Variants in PUDP observed in about 807,000 individuals in gnomAD.
PUDP encodes pseudouridine-5'-phosphatase.
Under a neutral mutation model 9.4 loss-of-function variants are expected in PUDP, and 8 were observed. The ratio of observed to expected loss-of-function variants is 0.85; its 90% CI spans 0.50 to 1.53. The LOEUF (loss-of-function observed/expected upper bound fraction) is 1.53. Ranked by LOEUF, PUDP falls within the 40% of genes most tolerant of loss-of-function variation. The pLI, the probability that PUDP is intolerant of heterozygous loss-of-function variation, is 0.00. For synonymous variants in PUDP, 99 were observed against 80.7 expected (o/e 1.23, Z -1.22); for missense variants, 188 against 189.7 (o/e 0.99, Z 0.05).
At chrX:6,816,992 T>TG (rs747136324) in intron 3 of PUDP, among the ~76,000 whole-genome samples, 2,127 of 97,850 alleles carry the variant, frequency 0.022, 85 homozygotes, top group African/African-American at 0.07. Context: ...ATATACTATA[T>TG]AGTATATATA....
At position 6,934,380 on chromosome X, in the gene PUDP, C is replaced by T. The variant is rs1371194329; in HGVS notation, c.*247+42753G>A. On this transcript the variant is annotated intron_variant and NMD_transcript_variant, in intron 3 of 3. Transcript: ENST00000655425. ...ACCCAGAATTTCATATCCAGCCAAA[C>T]TAAGCTTCATAAGCGAAGGAGAAAT... is the stretch of plus-strand genomic sequence containing the variant. 6.5e-5 allele frequency among the ~76,000 whole-genome samples: 7 copies of T among 107,653 alleles called. No individual in the cohort carries two copies. In the Admixed American group the frequency reaches 7.1e-4, roughly 11 times the overall value. 93.5% of individuals were successfully genotyped at this position (107,653 alleles called of 115,157 possible).
At chrX:7,083,506 G>A (rs1206683521) in intron 2 of PUDP, among the ~76,000 whole-genome samples, 2 of 111,690 alleles carry the variant, frequency 1.8e-5, no homozygotes, top group African/African-American at 3.3e-5. Flanking sequence ...GGCCGACACA[G>A]GCAATGTCAG....
intron 3 of PUDP, among the ~76,000 whole-genome samples, chrX:6,841,995 T>G (rs1926679999): frequency 9.0e-6 from 1 of 111,524 alleles, no homozygotes; most frequent in Non-Finnish European, 1.9e-5. Context: ...TGCATGTGTG[T>G]GCTGCGCATG....
chrX:6,838,577 C>G (rs752159326), intron 3 of PUDP, among the ~76,000 whole-genome samples: 1 of 112,237 alleles, frequency 8.9e-6, no homozygotes, highest in African/African-American at 3.2e-5. Flanking sequence ...AATTACAGAA[C>G]CGCAGCATTC....
At chrX:6,810,214 C>T (rs774755009) in intron 3 of PUDP, among the ~76,000 whole-genome samples, 1 of 111,295 alleles carries the variant, frequency 9.0e-6, no homozygotes, top group Non-Finnish European at 1.9e-5. Flanking sequence ...AACAAGATTT[C>T]GTTGATAGTA....
chrX:6,793,879 G>A (rs190068828), intron 3 of PUDP, among the ~76,000 whole-genome samples: 3 of 111,912 alleles, frequency 2.7e-5, no homozygotes, highest in South Asian at 3.7e-4. Context: ...TTGGCTGGAC[G>A]TTAAATATAT....
At chrX:6,951,245 ATATCTATCTATC>A (rs58068829) in intron 3 of PUDP, among the ~76,000 whole-genome samples, 5 of 105,499 alleles carry the variant, frequency 4.7e-5, no homozygotes, top group African/African-American at 1.0e-4. Context: ...TCCATCCATC[ATATCTATCTATC>A]TATCTATCTA....
At chrX:6,815,388 A>G (rs1249546611) in intron 3 of PUDP, among the ~76,000 whole-genome samples, 7 of 112,094 alleles carry the variant, frequency 6.2e-5, no homozygotes, top group Admixed American at 5.7e-4. Flanking sequence ...ACAGACACCA[A>G]CTACATCCGT....
chrX:7,106,224 C>G (rs1931879288), intron 1 of PUDP, among the ~76,000 whole-genome samples: 1 of 113,067 alleles, frequency 8.8e-6, no homozygotes, highest in Admixed American at 9.3e-5. Flanking sequence ...CACCAGCTGA[C>G]AAAGTCCACT....
At chrX:6,729,215 T>A (rs1171364858) in intron 3 of PUDP, among the ~76,000 whole-genome samples, 3 of 111,957 alleles carry the variant, frequency 2.7e-5, no homozygotes, top group Non-Finnish European at 5.6e-5. Flanking sequence ...AAGTCACCCC[T>A]CTGCTCACTG....
At chrX:7,022,613 G>A (rs760871718) in intron 1 of PUDP, among the ~76,000 whole-genome samples, 1 of 111,475 alleles carries the variant, frequency 9.0e-6, no homozygotes. Flanking sequence ...CAGAATCCCT[G>A]GGTTCAAAAT....
Position 7,061,269 on chromosome X carries a change from TC to T in PUDP, c.511-10798del, listed in dbSNP as rs200900579. Among the ~76,000 whole-genome samples the T allele has an allele frequency of 7.1e-4, 79 of 111,431 alleles. 4 individuals carry two copies. The East Asian group carries it at 0.022, about 30-fold the overall frequency. The stretch of plus-strand genomic sequence containing the variant: ...CCAAAAAAGCTTTTCCAGTTATTTT[TC>T]CCCAACAGTCTATCCCCATAACATG... On this transcript the variant is annotated intron_variant, in intron 3 of 3. Transcript: ENST00000381077.
chrX:6,706,467 C>A (rs1196040848), intron 1 of PUDP: 2 of 111,347 alleles, frequency 1.8e-5, no homozygotes, highest in South Asian at 3.8e-4. Context: ...GATCCAGTCC[C>A]TAAAATAAGT....
chrX:7,129,421 C>T (rs181774705), intron 1 of PUDP, among the ~76,000 whole-genome samples: 12 of 111,814 alleles, frequency 1.1e-4, no homozygotes, highest in East Asian at 2.8e-4. Context: ...ATGTTGGACC[C>T]GTGTTCTGAA....
chrX:7,043,115 C>T (rs1929944134), intron 1 of PUDP, among the ~76,000 whole-genome samples: 2 of 111,921 alleles, frequency 1.8e-5, no homozygotes, highest in Non-Finnish European at 3.8e-5. Context: ...GCTATTCCTT[C>T]AAGAAGTCCT....
chrX:6,842,884 C>A (rs896011244), intron 3 of PUDP, among the ~76,000 whole-genome samples: 37 of 112,266 alleles, frequency 3.3e-4, no homozygotes, highest in African/African-American at 1.2e-3. Context: ...GTCATTTTTG[C>A]CAACTTATCC....
intron 1 of PUDP, among the ~76,000 whole-genome samples, chrX:6,712,525 AAT>A (rs1356435450): frequency 4.5e-5 from 5 of 112,103 alleles, no homozygotes; most frequent in Admixed American, 1.9e-4. Flanking sequence ...AAAGTCGGGC[AAT>A]GATAAGGAGC....
intron 3 of PUDP, among the ~76,000 whole-genome samples, chrX:7,066,707 T>C (rs767332715): frequency 9.0e-6 from 1 of 111,614 alleles, no homozygotes; most frequent in Non-Finnish European, 1.9e-5. Context: ...TTTTAGAGGA[T>C]GCAATAAAAC....
chrX:6,752,301 T>C (rs993047936), intron 3 of PUDP, among the ~76,000 whole-genome samples: 1 of 111,606 alleles, frequency 9.0e-6, no homozygotes, highest in Non-Finnish European at 1.9e-5. Flanking sequence ...CCAAAGGTTC[T>C]GAGTTAGACT....
Sources: gnomAD v4.1 joint callset for allele counts (sites outside exome capture counted in the v4.1 genomes callset) on GRCh38, gnomAD v4.1.1 for gene constraint, MANE v1.5 for transcripts, NCBI Gene and HGNC (gene_info 2026-07-23, HGNC 2026-07-21) for gene names.